The following GLI3 variants were observed in gnomAD, a reference collection of about 807,000 sequenced individuals.
GLI3 encodes the protein transcription activator GLI3.
Under a neutral mutation model 100.8 loss-of-function variants are expected in GLI3, and 20 were observed. The ratio of observed to expected loss-of-function variants is 0.20; its 90% CI spans 0.14 to 0.29. The LOEUF is 0.29. GLI3 is among the 10% of genes least tolerant of loss of function. The pLI, the probability that GLI3 is intolerant of heterozygous loss-of-function variation, is 1.00. For missense variants in GLI3, 2,040 were observed against 2,128.5 expected (o/e 0.96, Z 0.82); for synonymous variants, 938 against 860.5 (o/e 1.09, Z -1.58).
intron 7 of GLI3, 89 bp downstream of exon 7, chr7:42,039,948 CA>C (rs1233025397): frequency 1.1e-6 from 1 of 939,416 alleles, no homozygotes; most frequent in African/African-American, 1.6e-5. Context: ...TCCTCATAGG[CA>C]GTTGGTACTG....
intron 6 of GLI3, among the ~76,000 whole-genome samples, 192 bp downstream of exon 6, chr7:42,045,192 G>T (rs894898558): frequency 6.6e-6 from 1 of 152,116 alleles, no homozygotes; most frequent in African/African-American, 2.4e-5. Flanking sequence ...GCTAAACAGG[G>T]GGTCTCAGGA....
intron 3 of GLI3, among the ~76,000 whole-genome samples, chr7:42,095,136 G>A (rs952214858): frequency 6.6e-6 from 1 of 152,282 alleles, no homozygotes; most frequent in South Asian, 2.1e-4. Flanking sequence ...TTCCAGCATC[G>A]GTCCTCCAAC....
intron 10 of GLI3, among the ~76,000 whole-genome samples, chr7:41,984,720 C>T (rs921526676): frequency 2.6e-5 from 4 of 152,230 alleles, no homozygotes; most frequent in African/African-American, 7.2e-5. Context: ...TCAGGCTCAA[C>T]CCTCACCAGT....
At chr7:42,107,289 C>G (rs1785598904) in intron 3 of GLI3, among the ~76,000 whole-genome samples, 1 of 152,128 alleles carries the variant, frequency 6.6e-6, no homozygotes, top group African/African-American at 2.4e-5. Flanking sequence ...GAGATCACAC[C>G]GCTGCACTCC....
chr7:42,224,159 T>C (rs937382583), intron 1 of GLI3, among the ~76,000 whole-genome samples: 3 of 152,246 alleles, frequency 2.0e-5, no homozygotes, highest in Non-Finnish European at 4.4e-5. Flanking sequence ...AGTCATGTTC[T>C]ACACCTACAA....
intron 3 of GLI3, among the ~76,000 whole-genome samples, chr7:42,088,923 C>T (rs1785160472): frequency 6.6e-6 from 1 of 152,172 alleles, no homozygotes; most frequent in Non-Finnish European, 1.5e-5. Context: ...ATCTCACTGG[C>T]CCTTCATCTG....
chr7:42,148,104 A>G, intron 3 of GLI3, 122 bp downstream of exon 3: 1 of 1,035,162 alleles, frequency 9.7e-7, no homozygotes, highest in South Asian at 1.9e-5. Context: ...ACCTTTTAAT[A>G]AATTATACAA....
chr7:42,235,977 G>C (rs1583668069), intron 1 of GLI3, among the ~76,000 whole-genome samples: 1 of 152,260 alleles, frequency 6.6e-6, no homozygotes, highest in Non-Finnish European at 1.5e-5. Context: ...CAGCGGCGGA[G>C]GGAGCCTCCT....
At chr7:41,984,088 A>G (rs1394744005) in intron 10 of GLI3, among the ~76,000 whole-genome samples, 1 of 152,118 alleles carries the variant, frequency 6.6e-6, no homozygotes, top group African/African-American at 2.4e-5. Flanking sequence ...CTTTCTTTTA[A>G]CGGAGTTTCT....
Position 41,967,582 on chromosome 7 carries a change from G to A in GLI3, c.2431+14C>T. ...AAAACCCTGAGCAGATGCATGGTCT[G>A]ATGTAGAACTCACCATTTCCTATGA... On this transcript the variant is annotated intron_variant, in intron 14 of 14. Transcript: ENST00000395925. The A allele has an allele frequency of 6.3e-7, 1 of 1,581,942 alleles. No individual in the cohort carries two copies. The highest frequency in any genetic ancestry group is 8.7e-7 in the Non-Finnish European group (1 of 1,151,702).
chr7:42,184,258 G>C (rs1398815837), intron 2 of GLI3, among the ~76,000 whole-genome samples: 1 of 152,192 alleles, frequency 6.6e-6, no homozygotes. Flanking sequence ...TGTTTCTGTT[G>C]TGAAACACAC....
intron 2 of GLI3, among the ~76,000 whole-genome samples, chr7:42,202,266 T>C (rs1788055369): frequency 6.6e-6 from 1 of 151,822 alleles, no homozygotes; most frequent in South Asian, 2.1e-4. Flanking sequence ...TTGGCCCCTC[T>C]TTGGTCTGTG....
intron 1 of GLI3, among the ~76,000 whole-genome samples, chr7:42,249,044 G>A (rs1205051770): frequency 6.6e-6 from 1 of 152,112 alleles, no homozygotes; most frequent in Non-Finnish European, 1.5e-5. Flanking sequence ...ACTGCGCCTG[G>A]CCTTATCGAA....
Position 42,081,871 on chromosome 7 carries a change from A to G in GLI3, c.368-5014T>C, listed in dbSNP as rs961791036. Reference sequence around the variant, plus strand: ...TCTGAAAGTGCCCGGGAAACAGTGCAAGAGTAAACTGCTAAGTGCAGAAGT... The same window carrying G: ...TCTGAAAGTGCCCGGGAAACAGTGCGAGAGTAAACTGCTAAGTGCAGAAGT... On this transcript the variant is annotated intron_variant, in intron 3 of 14. Coordinates refer to ENST00000395925, the MANE Select transcript of GLI3 (RefSeq NM_000168.6). 1.9e-4 allele frequency among the ~76,000 whole-genome samples: 29 copies of G among 152,130 alleles called. 2 individuals carry two copies. The highest frequency in any genetic ancestry group is 1.5e-5 in the Non-Finnish European group (1 of 68,038).
At chr7:42,007,909 A>T (rs1398506937) in intron 10 of GLI3, among the ~76,000 whole-genome samples, 1 of 150,968 alleles carries the variant, frequency 6.6e-6, no homozygotes, top group East Asian at 1.9e-4. Flanking sequence ...TAATAAAAAA[A>T]TTAAAATAAA....
intron 4 of GLI3, among the ~76,000 whole-genome samples, chr7:42,063,696 C>T (rs1471983347): frequency 1.3e-5 from 2 of 152,154 alleles, no homozygotes; most frequent in African/African-American, 4.8e-5. Context: ...AGTAGGCAAT[C>T]CTGCCATTCG....
At chr7:41,983,927 G>GT (rs1787742340) in intron 10 of GLI3, among the ~76,000 whole-genome samples, 1 of 152,128 alleles carries the variant, frequency 6.6e-6, no homozygotes, top group Non-Finnish European at 1.5e-5. Flanking sequence ...ATGAAATGAT[G>GT]TTTTTTTAAC....
chr7:42,259,247 G>A (rs1789115048), intron 1 of GLI3, among the ~76,000 whole-genome samples: 1 of 152,188 alleles, frequency 6.6e-6, no homozygotes, highest in Non-Finnish European at 1.5e-5. Flanking sequence ...TGTCTGTGAA[G>A]TAAAATAAAG....
chr7:42,149,153 T>C (rs1057130674), intron 2 of GLI3, among the ~76,000 whole-genome samples: 2 of 152,162 alleles, frequency 1.3e-5, no homozygotes, highest in African/African-American at 4.8e-5. Flanking sequence ...CTTCTGTCCA[T>C]ACAACAAAGC....
Sources: allele counts gnomAD v4.1 joint callset (sites outside exome capture counted in the v4.1 genomes callset), GRCh38; gene constraint gnomAD v4.1.1; transcripts MANE v1.5; gene names NCBI Gene and HGNC (gene_info 2026-07-23, HGNC 2026-07-21).